The following EXOC4 variants were observed in gnomAD, a reference collection of about 807,000 sequenced individuals.
EXOC4 encodes the protein SEC8-like 1.
Under a neutral mutation model 107.2 loss-of-function variants are expected in EXOC4, and 71 were observed. That is an observed-to-expected ratio of 0.66 (90% CI 0.55 to 0.81). The LOEUF (loss-of-function observed/expected upper bound fraction) is 0.81, where lower values mean the gene tolerates loss of function less well. Ranked by LOEUF, EXOC4 falls within the 30% of genes least tolerant of loss-of-function variation. The pLI is 0.00. For synonymous variants in EXOC4, 456 were observed against 441.2 expected (o/e 1.03, Z -0.42); for missense variants, 1,108 against 1,189.6 (o/e 0.93, Z 1.01).
chr7:133,912,822 A>G (rs1799726399), intron 12 of EXOC4, among the ~76,000 whole-genome samples: 1 of 152,192 alleles, frequency 6.6e-6, no homozygotes, highest in South Asian at 2.1e-4. Context: ...CCTTGAGTGC[A>G]CATTTAAATC....
intron 3 of EXOC4, among the ~76,000 whole-genome samples, chr7:133,304,396 G>A (rs1211681841): frequency 6.6e-6 from 1 of 152,224 alleles, no homozygotes; most frequent in African/African-American, 2.4e-5. Flanking sequence ...CATAGCAGGG[G>A]CAGTTGCAAG....
At chr7:134,036,015 T>A (rs928725296) in intron 17 of EXOC4, among the ~76,000 whole-genome samples, 1 of 152,196 alleles carries the variant, frequency 6.6e-6, no homozygotes, top group Non-Finnish European at 1.5e-5. Flanking sequence ...TCAGCAGATT[T>A]GATTTGGTGG....
intron 7 of EXOC4, among the ~76,000 whole-genome samples, chr7:133,463,919 C>G (rs1798654935): frequency 6.6e-6 from 1 of 152,094 alleles, no homozygotes; most frequent in African/African-American, 2.4e-5. Flanking sequence ...AGGCAGTGTT[C>G]TAAGTGGAAT....
At chr7:133,939,292 G>A (rs1800373810) in intron 14 of EXOC4, among the ~76,000 whole-genome samples, 2 of 152,088 alleles carry the variant, frequency 1.3e-5, no homozygotes, top group African/African-American at 4.8e-5. Context: ...AGATGGAAAG[G>A]TGTGGATTAA....
At chr7:133,917,868 T>C (rs1459102881) in intron 13 of EXOC4, 130 bp downstream of exon 13, 2 of 874,002 alleles carry the variant, frequency 2.3e-6, no homozygotes, top group African/African-American at 3.4e-5. Context: ...TAGTAAAATA[T>C]GTTTTCCTCC....
intron 9 of EXOC4, among the ~76,000 whole-genome samples, chr7:133,571,905 C>A (rs965390045): frequency 3.3e-5 from 5 of 152,136 alleles, no homozygotes; most frequent in Non-Finnish European, 2.9e-5. Flanking sequence ...TAAGTGAGGA[C>A]CCTCATGGCC....
intron 11 of EXOC4, 93 bp from the exon 12 acceptor site, chr7:133,895,506 T>TA: frequency 7.8e-7 from 1 of 1,282,168 alleles, no homozygotes; most frequent in Non-Finnish European, 1.1e-6. Context: ...AGAGCTCAGG[T>TA]ACCTTAAATT....
At chr7:133,903,304 A>G (rs1418225966) in intron 12 of EXOC4, among the ~76,000 whole-genome samples, 1 of 152,204 alleles carries the variant, frequency 6.6e-6, no homozygotes, top group Non-Finnish European at 1.5e-5. Context: ...TTAAATTTTA[A>G]GTATTGAAAA....
In EXOC4 at chr7:133,784,004, A is replaced by G. The variant is rs895412544; in HGVS notation, c.1515-33321A>G. Among the ~76,000 whole-genome samples the G allele has an allele frequency of 3.3e-5, 5 of 152,174 alleles. No homozygotes were observed. In the East Asian group the frequency reaches 9.6e-4, roughly 29 times the overall value. The stretch of plus-strand genomic sequence containing the variant: ...CATACCCCCATCCTTCTGCTCTTAA[A>G]GAATAGGAATCATTAGTTTAAAAAC... On this transcript the variant is annotated intron_variant, in intron 10 of 17. Coordinates refer to ENST00000253861, the MANE Select transcript of EXOC4 (RefSeq NM_021807.4).
chr7:133,435,063 A>G (rs1797938312), intron 7 of EXOC4, among the ~76,000 whole-genome samples: 1 of 152,196 alleles, frequency 6.6e-6, no homozygotes, highest in Non-Finnish European at 1.5e-5. Flanking sequence ...TGGAAATTTT[A>G]TAAAATACAT....
chr7:134,004,879 A>T, intron 15 of EXOC4, 33 bp from the exon 16 acceptor site: 1 of 1,576,754 alleles, frequency 6.3e-7, no homozygotes, highest in South Asian at 1.1e-5. Context: ...AGGATTTATT[A>T]TTAACTGCTC....
At chr7:133,529,716 G>A (rs970133867) in intron 9 of EXOC4, among the ~76,000 whole-genome samples, 1 of 152,056 alleles carries the variant, frequency 6.6e-6, no homozygotes, top group Non-Finnish European at 1.5e-5. Flanking sequence ...ATGTGGCATC[G>A]TTGTCTGCTT....
chr7:133,776,010 A>G (rs1192546756), intron 10 of EXOC4, among the ~76,000 whole-genome samples: 1 of 152,170 alleles, frequency 6.6e-6, no homozygotes, highest in East Asian at 1.9e-4. Flanking sequence ...TTTATTGGGC[A>G]TTATTGGGCA....
chr7:133,340,482 C>CT, intron 5 of EXOC4, among the ~76,000 whole-genome samples: 1 of 140,342 alleles, frequency 7.1e-6, no homozygotes, highest in Non-Finnish European at 1.5e-5. Context: ...TTGGTATGTA[C>CT]TTTTCTTTTT....
intron 10 of EXOC4, among the ~76,000 whole-genome samples, chr7:133,816,827 G>T (rs748866924): frequency 5.9e-5 from 9 of 152,164 alleles, no homozygotes; most frequent in Non-Finnish European, 1.3e-4. Flanking sequence ...TCTGACAGGA[G>T]GCGGAGCTCA....
chr7:133,997,418 C>G, intron 14 of EXOC4, 74 bp from the exon 15 acceptor site: 1 of 1,558,068 alleles, frequency 6.4e-7, no homozygotes, highest in Non-Finnish European at 8.8e-7. Flanking sequence ...AGATGAACAG[C>G]AAAATAATAT....
intron 17 of EXOC4, among the ~76,000 whole-genome samples, chr7:134,037,193 G>T (rs1253020535): frequency 6.6e-6 from 1 of 152,156 alleles, no homozygotes; most frequent in Non-Finnish European, 1.5e-5. Flanking sequence ...AAGACCGAAG[G>T]TACAAGATAT....
chr7:133,459,649 C>A (rs1344598198), intron 7 of EXOC4, among the ~76,000 whole-genome samples: 2 of 152,128 alleles, frequency 1.3e-5, no homozygotes, highest in Non-Finnish European at 2.9e-5. Context: ...AAGACAGGAT[C>A]TTATCGGATC....
chr7:134,029,858 C>A (rs566771281), intron 17 of EXOC4, among the ~76,000 whole-genome samples: 3 of 152,298 alleles, frequency 2.0e-5, no homozygotes, highest in South Asian at 4.1e-4. Flanking sequence ...TAGGCTCTTA[C>A]ATATCTTTGG....
Sources: gnomAD v4.1 joint callset for allele counts (sites outside exome capture counted in the v4.1 genomes callset) on GRCh38, gnomAD v4.1.1 for gene constraint, MANE v1.5 for transcripts, NCBI Gene and HGNC (gene_info 2026-07-23, HGNC 2026-07-21) for gene names.